Variants in BUB1B observed in about 807,000 individuals in gnomAD.
The protein encoded by BUB1B is BUB1 mitotic checkpoint serine/threonine kinase B.
Under a neutral mutation model 137.7 loss-of-function variants are expected in BUB1B, and 86 were observed. The ratio of observed to expected loss-of-function variants is 0.62; its 90% CI spans 0.52 to 0.75. The LOEUF (loss-of-function observed/expected upper bound fraction) is 0.75. Among genes scored for constraint, BUB1B ranks in the 30% least tolerant of loss-of-function variants. The pLI is 0.00. For synonymous variants in BUB1B, 420 were observed against 417.9 expected (o/e 1.00, Z -0.06); for missense variants, 1,130 against 1,236.9 (o/e 0.91, Z 1.30).
rs1290506364 is a variant in BUB1B at position 40,183,799 on chromosome 15, C to T, written c.667C>T (p.Gln223Ter). ...EEEVFESSVP[Q>*]RSTLAELKSK... ...GGAAGTTTTTGAGTCTTCTGTACCA[C>T]AACGAAGCACACTAGCTGAACTAAA... is the stretch of plus-strand genomic sequence containing the variant. The change falls in exon 6 of 23, where the codon CAA (glutamine) becomes TAA (stop). Residue 223 changes from glutamine to a stop codon, truncating the protein, a stop_gained. Transcript: ENST00000287598. LOFTEE classifies it high-confidence loss of function. 2.5e-6 allele frequency: 4 copies of T among 1,613,948 alleles called. No homozygotes were observed. The African/African-American group carries it at 5.3e-5, about 22-fold the overall frequency.
intron 4 of BUB1B, among the ~76,000 whole-genome samples, chr15:40,171,443 A>G (rs2037161499): frequency 6.6e-6 from 1 of 152,098 alleles, no homozygotes; most frequent in Non-Finnish European, 1.5e-5. Flanking sequence ...GCTACTCAGG[A>G]GGCTGAGGTG....
chr15:40,169,724 C>A (rs2037140640), intron 2 of BUB1B, among the ~76,000 whole-genome samples: 1 of 151,238 alleles, frequency 6.6e-6, no homozygotes, highest in African/African-American at 2.4e-5. Context: ...GTGCTCTTCC[C>A]ACCTCAGCCT....
chr15:40,191,336 G>C (rs1490752984), intron 8 of BUB1B, among the ~76,000 whole-genome samples: 2 of 152,128 alleles, frequency 1.3e-5, no homozygotes, highest in Non-Finnish European at 2.9e-5. Flanking sequence ...TTATTGTTGA[G>C]TTTAAGAGTC....
At chr15:40,166,467 G>C (rs1043122668) in intron 2 of BUB1B, 1 of 338,876 alleles carries the variant, frequency 3.0e-6, no homozygotes, top group African/African-American at 2.3e-5. Flanking sequence ...AGCCTCCTGA[G>C]TAGCTGGGAC....
In BUB1B at chr15:40,213,420, A is replaced by G; in HGVS notation, c.2624A>G (p.Lys875Arg). The G allele has an allele frequency of 1.2e-6, 2 of 1,614,212 alleles. No individual in the cohort carries two copies. The highest frequency in any genetic ancestry group is 1.7e-6 in the Non-Finnish European group (2 of 1,180,016). Residue 875 changes from lysine to arginine, a missense_variant, in exon 20 of 23, where the codon AAA (lysine) becomes AGA (arginine). Transcript: ENST00000287598. ...TTGACAATAGTGGAGATGCTACACA[A>G]AGCAGAAATAGTCCATGGTGACTTG... is the stretch of plus-strand genomic sequence containing the variant. ...NLLTIVEMLHKAEIVHGDLSP... is the reference protein window; with the variant it reads ...NLLTIVEMLHRAEIVHGDLSP...
chr15:40,219,114 G>A (rs1389933324), intron 22 of BUB1B, among the ~76,000 whole-genome samples: 2 of 152,050 alleles, frequency 1.3e-5, no homozygotes, highest in African/African-American at 2.4e-5. Context: ...GTTTCACTAC[G>A]TTGGCCAGGC....
At chr15:40,210,627 A>G (rs1222489271) in intron 18 of BUB1B, among the ~76,000 whole-genome samples, 1 of 151,920 alleles carries the variant, frequency 6.6e-6, no homozygotes, top group African/African-American at 2.4e-5. Flanking sequence ...CTCCCACCTC[A>G]GCCTCTGGAA....
intron 5 of BUB1B, among the ~76,000 whole-genome samples, chr15:40,177,266 G>C (rs1376966037): frequency 2.0e-5 from 3 of 152,008 alleles, no homozygotes; most frequent in African/African-American, 7.2e-5. Flanking sequence ...TGTATGGATC[G>C]TGCTTTTGAT....
At chr15:40,179,609 A>C (rs1178666502) in intron 5 of BUB1B, among the ~76,000 whole-genome samples, 1 of 152,102 alleles carries the variant, frequency 6.6e-6, no homozygotes, top group African/African-American at 2.4e-5. Flanking sequence ...CATTTAATAG[A>C]ATTTTTAATA....
intron 4 of BUB1B, chr15:40,173,925 G>A (rs1032036166): frequency 2.3e-6 from 1 of 429,044 alleles, no homozygotes; most frequent in Non-Finnish European, 4.6e-6. Flanking sequence ...GACTCCTACA[G>A]TCTAGCTAAG....
chr15:40,176,353 T>G (rs1236462914), intron 4 of BUB1B, 124 bp from the exon 5 acceptor site: 1 of 914,540 alleles, frequency 1.1e-6, no homozygotes, highest in South Asian at 1.4e-5. Context: ...CCTTATCACA[T>G]TGTAATAATA....
chr15:40,189,205 G>T (rs759073761), intron 8 of BUB1B, among the ~76,000 whole-genome samples: 1 of 152,132 alleles, frequency 6.6e-6, no homozygotes, highest in African/African-American at 2.4e-5. Context: ...TGTCGCCCAG[G>T]CTGGAGTACA....
Position 40,202,678 on chromosome 15 carries a change from T to G in BUB1B, c.1718T>G (p.Val573Gly), listed in dbSNP as rs1043308962. ...TSESITSNED[V>G]SPDVCDEFTG... ...GAAAGCATCACCTCAAATGAAGATG[T>G]GTCTCCAGATGTTTGTGTAAGGAGC... The change falls in exon 14 of 23, where the codon GTG (valine) becomes GGG (glycine). Residue 573 changes from valine (V) to glycine (G), a missense_variant. Physicochemically the swap from Val to Gly is moderately radical, Grantham distance 109. Transcript: ENST00000287598. 6.2e-7 allele frequency: 1 copy of G among 1,613,172 alleles called. No homozygotes were observed. Among genetic ancestry groups the G allele is most frequent in the African/African-American group, 1.3e-5 (1 of 74,902 alleles).
In BUB1B at chr15:40,180,466, A is replaced by G. The variant is rs576001002; in HGVS notation, c.582-3248A>G. On this transcript the variant is annotated intron_variant, in intron 5 of 22. Coordinates refer to ENST00000287598, the MANE Select transcript of BUB1B (RefSeq NM_001211.6). ...GTTTTAGAAGAGATGGGGTTTCATC[A>G]CATTGGCCAGGCTGGTCTCAAACTC... 2.0e-5 allele frequency among the ~76,000 whole-genome samples: 3 copies of G among 151,058 alleles called. No individual in the cohort carries two copies. The East Asian group carries it at 5.9e-4, about 30-fold the overall frequency.
At chr15:40,217,131 A>G (rs1172065774) in intron 20 of BUB1B, among the ~76,000 whole-genome samples, 1 of 152,258 alleles carries the variant, frequency 6.6e-6, no homozygotes, top group Non-Finnish European at 1.5e-5. Context: ...AATTTCCTCC[A>G]TCATAATTCC....
At chr15:40,195,768 A>G (rs893658591) in intron 8 of BUB1B, among the ~76,000 whole-genome samples, 6 of 152,090 alleles carry the variant, frequency 3.9e-5, no homozygotes, top group African/African-American at 1.2e-4. Flanking sequence ...CTCGTTGGCC[A>G]TTTGTTTATC....
chr15:40,218,379 T>C (rs879529308), intron 21 of BUB1B, 77 bp from the exon 22 acceptor site: 41 of 1,076,684 alleles, frequency 3.8e-5, no homozygotes, highest in Admixed American at 2.7e-4. Context: ...GTAATACCTT[T>C]CAACTTCCTA....
rs1595515242 is a variant in BUB1B at position 40,177,909 on chromosome 15, T to C, written c.581+1236T>C. On this transcript the variant is annotated intron_variant, in intron 5 of 22. Transcript: ENST00000287598. ...TTCATAATATTCCCTTATTATGCTT[T>C]TAATGTCTGTAGGTTATATAGTGAT... is the stretch of plus-strand genomic sequence containing the variant. 4.6e-5 allele frequency among the ~76,000 whole-genome samples: 7 copies of C among 152,136 alleles called. 2 individuals are homozygous for C. Among genetic ancestry groups the C allele is most frequent in the Admixed American group, 4.6e-4 (7 of 15,296 alleles).
chr15:40,174,857 G>A (rs777028083), intron 4 of BUB1B, among the ~76,000 whole-genome samples: 6 of 152,136 alleles, frequency 3.9e-5, no homozygotes, highest in South Asian at 2.1e-4. Flanking sequence ...CCAGCTACTC[G>A]GGAGGCTGAG....
Sources: allele counts gnomAD v4.1 joint callset (sites outside exome capture counted in the v4.1 genomes callset), GRCh38; gene constraint gnomAD v4.1.1; transcripts MANE v1.5; gene names NCBI Gene and HGNC (gene_info 2026-07-23, HGNC 2026-07-21).